The following PGAP4 variants were observed in gnomAD, a reference collection of about 807,000 sequenced individuals.
PGAP4 encodes post-GPI attachment to proteins GalNAc transferase 4.
In PGAP4, 12 loss-of-function variants were observed where a neutral mutation model predicts 28.2. That is an observed-to-expected ratio of 0.42 (90% CI 0.27 to 0.69). The LOEUF (loss-of-function observed/expected upper bound fraction) is 0.69, where lower values mean the gene tolerates loss of function less well. Among genes scored for constraint, PGAP4 ranks in the 30% least tolerant of loss-of-function variants. PGAP4 has a pLI of 0.22. For synonymous variants in PGAP4, 205 were observed against 211.8 expected (o/e 0.97, Z 0.28); for missense variants, 425 against 513.5 (o/e 0.83, Z 1.67).
In PGAP4 at chr9:101,476,368, T is replaced by A; in HGVS notation, c.725A>T (p.Tyr242Phe). ...FSEPHLRDAL[Y>F]LKLYHPERLQ... ...CCTCTCGGGGTGATACAGCTTGAGATAAAGGGCATCTCTGAGATGTGGCTC... is the reference window on the plus strand; with the variant it reads ...CCTCTCGGGGTGATACAGCTTGAGAAAAAGGGCATCTCTGAGATGTGGCTC... The change falls in exon 2 of 2, where the codon TAT becomes TTT. Residue 242 changes from tyrosine (Y) to phenylalanine (F), a missense_variant. Coordinates refer to ENST00000374848, the MANE Select transcript of PGAP4 (RefSeq NM_032342.3). The surrounding 1 kb of genome is among the most constrained non-coding windows in gnomAD (Gnocchi z 7.0). The A allele has an allele frequency of 6.2e-7, 1 of 1,613,884 alleles. No homozygotes were observed. The highest frequency in any genetic ancestry group is 1.1e-5 in the South Asian group (1 of 91,054).
chr9:101,493,774 A>G (rs1158664904), intron 2 of PGAP4, among the ~76,000 whole-genome samples: 3 of 152,158 alleles, frequency 2.0e-5, no homozygotes, highest in Non-Finnish European at 2.9e-5. Flanking sequence ...TGTACAGTCC[A>G]TATCTTAGGC....
intron 2 of PGAP4, among the ~76,000 whole-genome samples, chr9:101,524,279 C>G (rs1345220654): frequency 6.6e-6 from 1 of 151,800 alleles, no homozygotes; most frequent in Non-Finnish European, 1.5e-5. Flanking sequence ...CAGTCACAGG[C>G]TTCACCCAGC....
chr9:101,531,867 A>T (rs1827093105), intron 1 of PGAP4, among the ~76,000 whole-genome samples: 1 of 152,276 alleles, frequency 6.6e-6, no homozygotes, highest in Non-Finnish European at 1.5e-5. Context: ...CACACAAGTG[A>T]TGATACTCAA....
At chr9:101,488,973 T>C (rs1826660180), upstream of PGAP4, 3 of 152,214 alleles carry the variant, frequency 2.0e-5, no homozygotes, top group Non-Finnish European at 4.4e-5. Flanking sequence ...ATGCATACTA[T>C]ATCAGGTATT....
rs760189987 is a variant in PGAP4 at position 101,476,172 on chromosome 9, C to G, written c.921G>C (p.Leu307=). The part of the protein sequence containing the change: ...FSLYSMGLVE[L]VGRHYFLELR... ...GTTCCAGGAAATAGTGCCGACCCACCAGCTCCACCAGACCCATGCTATACA... is the reference window on the plus strand; with the variant it reads ...GTTCCAGGAAATAGTGCCGACCCACGAGCTCCACCAGACCCATGCTATACA... The change falls in exon 2 of 2, where the codon CTG becomes CTC. Residue 307 remains leucine, a synonymous_variant. Coordinates refer to ENST00000374848, the MANE Select transcript of PGAP4 (RefSeq NM_032342.3). The surrounding 1 kb of genome is among the most constrained non-coding windows in gnomAD (Gnocchi z 7.0). The G allele has an allele frequency of 6.2e-7, 1 of 1,614,184 alleles. No homozygotes were observed. The highest frequency in any genetic ancestry group is 8.5e-7 in the Non-Finnish European group (1 of 1,180,024).
At chr9:101,507,918 A>G (rs1826861110) in intron 2 of PGAP4, among the ~76,000 whole-genome samples, 1 of 152,102 alleles carries the variant, frequency 6.6e-6, no homozygotes, top group South Asian at 2.1e-4. Flanking sequence ...TGTGTCCAAC[A>G]TCTTTTTGAG....
intron 2 of PGAP4, among the ~76,000 whole-genome samples, chr9:101,500,530 G>GT (rs199578673): frequency 0.16 from 23,628 of 144,360 alleles, 2,221 homozygotes; most frequent in South Asian, 0.3. Context: ...TGCAAGACTT[G>GT]TTTTTTTTTT....
intron 2 of PGAP4, among the ~76,000 whole-genome samples, chr9:101,527,185 G>T (rs946818114): frequency 6.6e-6 from 1 of 152,218 alleles, no homozygotes; most frequent in Non-Finnish European, 1.5e-5. Context: ...CTTTATAAGC[G>T]CTGAGATTCT....
chr9:101,523,302 C>T (rs1827004358), intron 2 of PGAP4, among the ~76,000 whole-genome samples: 1 of 152,122 alleles, frequency 6.6e-6, no homozygotes, highest in Non-Finnish European at 1.5e-5. Context: ...ATATATTTTC[C>T]AAGCTTTTAG....
intron 2 of PGAP4, among the ~76,000 whole-genome samples, chr9:101,502,144 A>G (rs1826808823): frequency 6.6e-6 from 1 of 152,020 alleles, no homozygotes; most frequent in Non-Finnish European, 1.5e-5. Context: ...GGCTCTACAG[A>G]TACATTTCAA....
In PGAP4 at chr9:101,515,384, C is replaced by T. The variant is rs2118617175; in HGVS notation, c.-165+15964G>A. 1.3e-5 allele frequency among the ~76,000 whole-genome samples: 2 copies of T among 152,228 alleles called. 1 individual carries two copies. Among genetic ancestry groups the T allele is most frequent in the Non-Finnish European group, 2.9e-5 (2 of 68,004 alleles). Reference sequence around the variant, plus strand: ...CACCCAGATAATTCAGGATAATTCCCCTTCTGAAGATCACGTCGGCAAAGA... The same window carrying T: ...CACCCAGATAATTCAGGATAATTCCTCTTCTGAAGATCACGTCGGCAAAGA... On this transcript the variant is annotated intron_variant, in intron 2 of 3. Transcript: ENST00000374851.
In PGAP4 at chr9:101,477,086, T is replaced by G. The variant is rs143406343; in HGVS notation, c.7A>C (p.Thr3Pro). MS[T>P]STSPAAMLLR... ...AGCATGGCAGCTGGAGAGGTTGAAG[T>G]GCTCATGAGGTCAACTTTTGTTCAT... The change falls in exon 2 of 2, where the codon ACT (threonine) becomes CCT (proline). Residue 3 changes from threonine (T) to proline (P), a missense_variant. By Grantham distance (38) the Thr-to-Pro change is conservative. Coordinates refer to ENST00000374848, the MANE Select transcript of PGAP4 (RefSeq NM_032342.3). The G allele has an allele frequency of 1.1e-5, 18 of 1,576,832 alleles. No homozygotes were observed. The highest frequency in any genetic ancestry group is 2.6e-6 in the Non-Finnish European group (3 of 1,164,136).
At chr9:101,494,542 GT>G (rs1009291658) in intron 2 of PGAP4, among the ~76,000 whole-genome samples, 41 of 151,716 alleles carry the variant, frequency 2.7e-4, no homozygotes, top group African/African-American at 9.9e-4. Flanking sequence ...TTAAATTTTT[GT>G]TTTGTTTAAT....
At position 101,486,240 on chromosome 9, in the gene PGAP4, A is replaced by G. The variant is rs1826610472; in HGVS notation, c.-78+709T>C. Among the ~76,000 whole-genome samples, 1 of 152,094 alleles carries G rather than the reference A, an allele frequency of 6.6e-6. No homozygotes were observed. Among genetic ancestry groups the G allele is most frequent in the Non-Finnish European group, 1.5e-5 (1 of 68,016 alleles). On this transcript the variant is annotated intron_variant, in intron 1 of 1. Coordinates refer to ENST00000374848, the MANE Select transcript of PGAP4 (RefSeq NM_032342.3). The surrounding 1 kb of genome is among the most constrained non-coding windows in gnomAD (Gnocchi z 4.7). ...GGACGATGTCCAGGGCCCTGGATCT[A>G]GTGTCTGTCGCTGACCTTGGGCAGT... is the stretch of plus-strand genomic sequence containing the variant.
chr9:101,527,125 T>A (rs1023335933), intron 2 of PGAP4, among the ~76,000 whole-genome samples: 3 of 152,110 alleles, frequency 2.0e-5, no homozygotes, highest in Non-Finnish European at 2.9e-5. Flanking sequence ...GTCGGCTGAG[T>A]GCTACAAGTA....
intron 2 of PGAP4, among the ~76,000 whole-genome samples, chr9:101,528,187 T>C (rs1827052795): frequency 6.6e-6 from 1 of 152,228 alleles, no homozygotes; most frequent in Admixed American, 6.5e-5. Flanking sequence ...AAATTCTTTT[T>C]AAGTGCCTTC....
At chr9:101,501,822 C>G in intron 2 of PGAP4, 1 of 504,616 alleles carries the variant, frequency 2.0e-6, no homozygotes, top group Non-Finnish European at 3.9e-6. Context: ...GTACCTCCAG[C>G]TCCAGTAAAT....
intron 2 of PGAP4, among the ~76,000 whole-genome samples, chr9:101,520,400 T>C (rs181661724): frequency 2.0e-3 from 298 of 152,316 alleles, no homozygotes; most frequent in Non-Finnish European, 3.2e-3. Context: ...CAGTGTTTTA[T>C]AATTTTCCTT....
chr9:101,507,823 C>G (rs1053494356), intron 2 of PGAP4, among the ~76,000 whole-genome samples: 1 of 152,104 alleles, frequency 6.6e-6, no homozygotes, highest in African/African-American at 2.4e-5. Context: ...GTTGGAAAAA[C>G]TGGTTGTAGC....
Sources: gnomAD v4.1 joint callset for allele counts (sites outside exome capture counted in the v4.1 genomes callset) on GRCh38, gnomAD v4.1.1 for gene constraint, Gnocchi (gnomAD v3.1) non-coding constraint, MANE v1.5 for transcripts, NCBI Gene and HGNC (gene_info 2026-07-23, HGNC 2026-07-21) for gene names.